POMGNT2: variants seen among roughly 807,000 people sequenced by gnomAD.
The protein encoded by POMGNT2 is protein O-linked-mannose beta-1,4-N-acetylglucosaminyltransferase 2.
A neutral mutation model predicts 37.8 loss-of-function variants in POMGNT2; 32 were observed. That is an observed-to-expected ratio of 0.85 (90% CI 0.64 to 1.14). The LOEUF (loss-of-function observed/expected upper bound fraction) is 1.14, where lower values mean the gene tolerates loss of function less well. POMGNT2 is among the 50% of genes most tolerant of loss of function. The probability of loss-of-function intolerance (pLI) is 0.00; values close to 1 mark genes in which losing one functional copy is unlikely to be tolerated. For missense variants in POMGNT2, 705 were observed against 780.6 expected (o/e 0.90, Z 1.15); for synonymous variants, 340 against 336.8 (o/e 1.01, Z -0.10).
In POMGNT2 at chr3:43,081,155, ACTC is replaced by A. The variant is rs2089850964; in HGVS notation, c.274_276del (p.Glu92del). The A allele has an allele frequency of 4.3e-6, 7 of 1,613,566 alleles. No homozygotes were observed. Among genetic ancestry groups the A allele is most frequent in the South Asian group, 1.1e-5 (1 of 91,062 alleles). On this transcript the variant is annotated inframe_deletion, in exon 2 of 2. Coordinates refer to ENST00000344697, the MANE Select transcript of POMGNT2 (RefSeq NM_032806.6). Reference sequence around the variant, plus strand: ...GAGGTGTTGCCATGGAAGAAGATGAACTCCTCAGCCTCGTTGGAGTAGCAGAGC... The same window carrying A: ...GAGGTGTTGCCATGGAAGAAGATGAACTCAGCCTCGTTGGAGTAGCAGAGC...
chr3:43,083,649 A>C (rs1204359611), intron 1 of POMGNT2, among the ~76,000 whole-genome samples: 1 of 152,228 alleles, frequency 6.6e-6, no homozygotes, highest in African/African-American at 2.4e-5. Context: ...GAATAAGTGT[A>C]GAAACTTTAC....
Position 43,079,722 on chromosome 3 carries a change from T to C in POMGNT2, c.1710A>G (p.Gly570=). ...TGCACACCAGCACATCTGCAAAGGG[T>C]CCCAGGAGGATCTTGTTGAAGATGC... ...VRCIFNKILL[G]PFADVLVCNT Residue 570 remains glycine, a synonymous_variant, in exon 2 of 2, where the codon GGA becomes GGG. Coordinates refer to ENST00000344697, the MANE Select transcript of POMGNT2 (RefSeq NM_032806.6). The C allele has an allele frequency of 6.2e-7, 1 of 1,613,858 alleles. No homozygotes were observed. Among genetic ancestry groups the C allele is most frequent in the Non-Finnish European group, 8.5e-7 (1 of 1,179,922 alleles).
At chr3:43,099,262 A>G (rs545824727) in intron 1 of POMGNT2, among the ~76,000 whole-genome samples, 4 of 152,352 alleles carry the variant, frequency 2.6e-5, no homozygotes, top group African/African-American at 9.6e-5. Flanking sequence ...TATAGGAAGC[A>G]TAAAACATTC....
rs755352916 is a variant in POMGNT2 at position 43,080,038 on chromosome 3, A to T, written c.1394T>A (p.Val465Glu). The part of the protein sequence containing the change: ...PSLIQTIRRV[V>E]KGRPGPRKQK... Reference sequence around the variant, plus strand: ...CTTCCGTGGTCCTGGCCGGCCCTTCACCACGCGCCGTATGGTTTGAATGAG... The same window carrying T: ...CTTCCGTGGTCCTGGCCGGCCCTTCTCCACGCGCCGTATGGTTTGAATGAG... The change falls in exon 2 of 2, where the codon GTG becomes GAG. Residue 465 changes from valine (V) to glutamate (E), a missense_variant. Physicochemically the swap from Val to Glu is moderately radical, Grantham distance 121. Transcript: ENST00000344697. 4 of 1,613,626 alleles carry T rather than the reference A, an allele frequency of 2.5e-6. No homozygotes were observed. Among genetic ancestry groups the T allele is most frequent in the Non-Finnish European group, 3.4e-6 (4 of 1,180,010 alleles).
intron 1 of POMGNT2, among the ~76,000 whole-genome samples, chr3:43,088,969 G>A (rs1233922764): frequency 6.6e-6 from 1 of 152,208 alleles, no homozygotes; most frequent in Admixed American, 6.5e-5. Flanking sequence ...AGGCAAACAT[G>A]CAGGGTCTGG....
At chr3:43,097,675 G>C (rs1575473043) in intron 1 of POMGNT2, among the ~76,000 whole-genome samples, 1 of 152,114 alleles carries the variant, frequency 6.6e-6, no homozygotes, top group South Asian at 2.1e-4. Context: ...CACAATCACA[G>C]GGGGGTTAGA....
At chr3:43,087,650 T>G (rs1456737113) in intron 1 of POMGNT2, 1 of 152,196 alleles carries the variant, frequency 6.6e-6, no homozygotes, top group Non-Finnish European at 1.5e-5. Context: ...TCTAGGACGG[T>G]CAGAACACCT....
At position 43,079,763 on chromosome 3, in the gene POMGNT2, G is replaced by A. The variant is rs1477248373; in HGVS notation, c.1669C>T (p.Leu557=). The A allele has an allele frequency of 8.1e-6, 13 of 1,614,210 alleles. No homozygotes were observed. Among genetic ancestry groups the A allele is most frequent in the Non-Finnish European group, 1.1e-5 (13 of 1,180,038 alleles). The change falls in exon 2 of 2, where the codon CTG becomes TTG. Residue 557 remains leucine, a synonymous_variant. Coordinates refer to ENST00000344697, the MANE Select transcript of POMGNT2 (RefSeq NM_032806.6). ...TTGAAGATGCAGCGGACCCACACCAGGTAGGTGGTGAAGGGCTTGATGTTC... is the reference window on the plus strand; with the variant it reads ...TTGAAGATGCAGCGGACCCACACCAAGTAGGTGGTGAAGGGCTTGATGTTC... ...TENIKPFTTY[L]VWVRCIFNKI...
rs2089841909 is a variant in POMGNT2, at chr3:43,080,585, G to A, written c.847C>T (p.Pro283Ser). ...ACCAGAATGTACTCCTCGCCTAGGG[G>A]GACTCCTGTGTGGCTCACGTTCAGC... is the stretch of plus-strand genomic sequence containing the variant. ...EKLNVSHTGV[P>S]LGEEYILVFS... Residue 283 changes from proline (P) to serine (S), a missense_variant, in exon 2 of 2, where the codon CCC becomes TCC. Transcript: ENST00000344697. 5.6e-6 allele frequency: 9 copies of A among 1,614,206 alleles called. No individual in the cohort carries two copies. The highest frequency in any genetic ancestry group is 7.6e-6 in the Non-Finnish European group (9 of 1,180,040).
chr3:43,105,422 C>T (rs1193270639), intron 1 of POMGNT2, among the ~76,000 whole-genome samples: 6 of 152,308 alleles, frequency 3.9e-5, no homozygotes, highest in Admixed American at 6.5e-5. Flanking sequence ...CTCCGCGCAC[C>T]TCGCGTGGCT....
intron 1 of POMGNT2, among the ~76,000 whole-genome samples, chr3:43,104,376 A>C (rs150884278): frequency 2.4e-4 from 37 of 152,338 alleles, no homozygotes; most frequent in African/African-American, 5.5e-4. Context: ...TGCAATATTT[A>C]CTAGAAGGCT....
chr3:43,080,634 C>A lies in POMGNT2; in HGVS notation c.798G>T (p.Gln266His). The change falls in exon 2 of 2, where the codon CAG becomes CAT. Residue 266 changes from glutamine to histidine, a missense_variant. Transcript: ENST00000344697. ...NILVSGNEIR[Q>H]FARFMTEKLN... The stretch of plus-strand genomic sequence containing the variant: ...GCTTTTCTGTCATGAACCGTGCAAA[C>A]TGCCGGATCTCATTGCCTGAGACGA... 8 of 1,614,242 alleles carry A rather than the reference C, an allele frequency of 5.0e-6. No homozygotes were observed. Among genetic ancestry groups the A allele is most frequent in the Non-Finnish European group, 6.8e-6 (8 of 1,180,042 alleles).
chr3:43,102,282 C>T (rs901634994), intron 1 of POMGNT2, among the ~76,000 whole-genome samples: 1 of 152,214 alleles, frequency 6.6e-6, no homozygotes, highest in Non-Finnish European at 1.5e-5. Flanking sequence ...CCAGTCCCTT[C>T]CTAAGGCTTA....
At chr3:43,087,973 G>A in intron 1 of POMGNT2, 1 of 152,198 alleles carries the variant, frequency 6.6e-6, no homozygotes, top group East Asian at 1.9e-4. Context: ...TCACAGGAAT[G>A]TGGAGGTAAG....
At position 43,080,142 on chromosome 3, in the gene POMGNT2, C is replaced by T; in HGVS notation, c.1290G>A (p.Glu430=). The T allele has an allele frequency of 6.2e-7, 1 of 1,613,956 alleles. No individual in the cohort carries two copies. Among genetic ancestry groups the T allele is most frequent in the Non-Finnish European group, 8.5e-7 (1 of 1,179,968 alleles). The part of the protein sequence containing the change: ...AEQARILQSR[E]VPRHLCCRNP... ...TCCGGCAACAGAGATGCCGTGGGAC[C>T]TCACGGCTTTGCAGGATACGGGCTT... The change falls in exon 2 of 2, where the codon GAG becomes GAA. Residue 430 remains glutamate, a synonymous_variant. Transcript: ENST00000344697.
At chr3:43,097,525 A>G (rs1466140131) in intron 1 of POMGNT2, among the ~76,000 whole-genome samples, 1 of 151,990 alleles carries the variant, frequency 6.6e-6, no homozygotes, top group Non-Finnish European at 1.5e-5. Flanking sequence ...GGAGAAAGGA[A>G]GCCGGGAGAG....
At chr3:43,100,080 A>G (rs942272774) in intron 1 of POMGNT2, among the ~76,000 whole-genome samples, 2 of 152,172 alleles carry the variant, frequency 1.3e-5, no homozygotes, top group Admixed American at 1.3e-4. Context: ...ATTTACAAAA[A>G]AAGTTGCATG....
At position 43,080,830 on chromosome 3, in the gene POMGNT2, G is replaced by T; in HGVS notation, c.602C>A (p.Ala201Glu). The change falls in exon 2 of 2, where the codon GCA becomes GAA. Residue 201 changes from alanine (A) to glutamate (E), a missense_variant. Transcript: ENST00000344697. ...GAGCAGCTTGTAGAGGTCGAAGTGT[G>T]CACCCTCGCCCCAGCCCTCCATGAA... ...LFFMEGWGEGAHFDLYKLLSP... is the reference protein window; with the variant it reads ...LFFMEGWGEGEHFDLYKLLSP... 6.2e-7 allele frequency: 1 copy of T among 1,614,062 alleles called. No homozygotes were observed. Among genetic ancestry groups the T allele is most frequent in the Non-Finnish European group, 8.5e-7 (1 of 1,179,996 alleles).
At chr3:43,084,084 T>G (rs1280237699) in intron 1 of POMGNT2, among the ~76,000 whole-genome samples, 2 of 152,220 alleles carry the variant, frequency 1.3e-5, no homozygotes, top group Non-Finnish European at 2.9e-5. Context: ...GATGAGGAAC[T>G]GCTACCCTTC....
Sources: gnomAD v4.1 joint callset for allele counts (sites outside exome capture counted in the v4.1 genomes callset) on GRCh38, gnomAD v4.1.1 for gene constraint, MANE v1.5 for transcripts, NCBI Gene and HGNC (gene_info 2026-07-23, HGNC 2026-07-21) for gene names.